Variants in ARHGAP6 observed in about 807,000 individuals in gnomAD.
ARHGAP6 encodes the protein Rho GTPase activating protein 6.
ARHGAP6 carries 16 observed loss-of-function variants against 55.7 expected under a neutral mutation model. The ratio of observed to expected loss-of-function variants is 0.29; its 90% CI spans 0.19 to 0.44. The LOEUF is 0.44. ARHGAP6 is among the 20% of genes least tolerant of loss of function. The pLI, the probability that ARHGAP6 is intolerant of heterozygous loss-of-function variation, is 1.00. For synonymous variants in ARHGAP6, 382 were observed against 360.9 expected (o/e 1.06, Z -0.66); for missense variants, 698 against 808.9 (o/e 0.86, Z 1.66).
intron 1 of ARHGAP6, among the ~76,000 whole-genome samples, chrX:11,522,422 C>G (rs1409327501): frequency 1.8e-5 from 2 of 111,100 alleles, no homozygotes; most frequent in Non-Finnish European, 3.8e-5. Flanking sequence ...ACAAAAAACC[C>G]TTCAAAAAAT....
At chrX:11,169,329 CTCAAAATGACATCATAGT>C (rs2046057243) in intron 9 of ARHGAP6, 158 bp downstream of exon 9, 2 of 338,472 alleles carry the variant, frequency 5.9e-6, no homozygotes, top group Non-Finnish European at 1.0e-5. Context: ...GAGTCACAAA[CTCAAAATGACATCATAGT>C]TGTGCAAATT....
At chrX:11,455,240 A>G (rs952067441) in intron 1 of ARHGAP6, among the ~76,000 whole-genome samples, 1 of 112,757 alleles carries the variant, frequency 8.9e-6, no homozygotes, top group Non-Finnish European at 1.9e-5. Context: ...ACTCTAAAGT[A>G]CTTTTGCAGA....
intron 2 of ARHGAP6, among the ~76,000 whole-genome samples, chrX:11,234,631 A>T (rs2047174524): frequency 8.9e-6 from 1 of 112,347 alleles, no homozygotes; most frequent in Non-Finnish European, 1.9e-5. Context: ...ATGTTGCAAA[A>T]ACTAAGCATA....
At chrX:11,396,119 G>T (rs1236940106) in intron 1 of ARHGAP6, among the ~76,000 whole-genome samples, 1 of 111,230 alleles carries the variant, frequency 9.0e-6, no homozygotes, top group East Asian at 2.8e-4. Context: ...AGTTTTAGTT[G>T]CTTCCAATAG....
intron 1 of ARHGAP6, among the ~76,000 whole-genome samples, chrX:11,477,161 TA>T (rs34155965): frequency 0.22 from 18,826 of 86,432 alleles, 1,400 homozygotes; most frequent in Middle Eastern, 0.35. Flanking sequence ...TCAAATATGA[TA>T]AAAAAAAAAA....
At chrX:11,584,116 A>C (rs1453348050) in intron 1 of ARHGAP6, among the ~76,000 whole-genome samples, 1 of 112,494 alleles carries the variant, frequency 8.9e-6, no homozygotes, top group East Asian at 2.8e-4. Flanking sequence ...ATATGAAAGC[A>C]ATAATGTCAC....
At chrX:11,245,686 T>C (rs1160021581) in intron 2 of ARHGAP6, among the ~76,000 whole-genome samples, 1 of 111,920 alleles carries the variant, frequency 8.9e-6, no homozygotes, top group Non-Finnish European at 1.9e-5. Flanking sequence ...GAGAATCAGA[T>C]AGAAGAGGAT....
chrX:11,470,775 G>A (rs747492044), intron 1 of ARHGAP6, among the ~76,000 whole-genome samples: 1 of 112,106 alleles, frequency 8.9e-6, no homozygotes, highest in East Asian at 2.8e-4. Flanking sequence ...TCACAGGCAT[G>A]AAACCAGGCA....
chrX:11,419,549 A>G (rs1197383792), intron 1 of ARHGAP6, among the ~76,000 whole-genome samples: 1 of 112,307 alleles, frequency 8.9e-6, no homozygotes, highest in African/African-American at 3.2e-5. Context: ...AGCAAACTCA[A>G]TGTTCCATAC....
intron 1 of ARHGAP6, among the ~76,000 whole-genome samples, chrX:11,523,837 G>A (rs1432671011): frequency 2.7e-5 from 3 of 111,362 alleles, no homozygotes; most frequent in African/African-American, 9.8e-5. Context: ...AACAACCACG[G>A]TACTCAAGGA....
At chrX:11,536,437 T>C (rs150300049) in intron 1 of ARHGAP6, among the ~76,000 whole-genome samples, 1 of 111,667 alleles carries the variant, frequency 9.0e-6, no homozygotes, top group Non-Finnish European at 1.9e-5. Context: ...TCTCCTAAAG[T>C]GGAAATGTGC....
At chrX:11,480,601 T>C (rs919126843) in intron 1 of ARHGAP6, among the ~76,000 whole-genome samples, 2 of 112,671 alleles carry the variant, frequency 1.8e-5, no homozygotes, top group African/African-American at 6.5e-5. Flanking sequence ...GCGTGAATTG[T>C]ATAAGTGAAT....
At chrX:11,557,671 A>C (rs1294114723) in intron 1 of ARHGAP6, among the ~76,000 whole-genome samples, 1 of 111,755 alleles carries the variant, frequency 8.9e-6, no homozygotes, top group African/African-American at 3.3e-5. Flanking sequence ...TCAGGAAAAA[A>C]CCCTGTAAGC....
chrX:11,550,451 T>C (rs1460390084), intron 1 of ARHGAP6, among the ~76,000 whole-genome samples: 1 of 112,271 alleles, frequency 8.9e-6, no homozygotes, highest in East Asian at 2.8e-4. Flanking sequence ...ATTGGAACTT[T>C]TAAAAATCCT....
chrX:11,401,606 G>A (rs1286401462), intron 1 of ARHGAP6, among the ~76,000 whole-genome samples: 2 of 110,690 alleles, frequency 1.8e-5, no homozygotes, highest in Admixed American at 1.9e-4. Flanking sequence ...GGGAGTAGGG[G>A]TGGGGGAGGG....
intron 4 of ARHGAP6, among the ~76,000 whole-genome samples, chrX:11,187,886 G>T (rs1266427641): frequency 9.0e-6 from 1 of 111,434 alleles, no homozygotes; most frequent in African/African-American, 3.3e-5. Context: ...AATAATAACA[G>T]CTAGGCGTGG....
chrX:11,462,711 A>T (rs1358131591), intron 1 of ARHGAP6, among the ~76,000 whole-genome samples: 1 of 112,323 alleles, frequency 8.9e-6, no homozygotes, highest in Non-Finnish European at 1.9e-5. Flanking sequence ...TAAAGGCTTT[A>T]CCTGCATGGG....
intron 1 of ARHGAP6, among the ~76,000 whole-genome samples, chrX:11,404,448 T>C (rs965240603): frequency 2.9e-4 from 33 of 112,197 alleles, no homozygotes; most frequent in Non-Finnish European, 5.6e-5. Context: ...CATTAAAACA[T>C]AAAAATAATC....
intron 1 of ARHGAP6, among the ~76,000 whole-genome samples, chrX:11,661,836 C>T (rs912768177): frequency 1.1e-4 from 12 of 111,694 alleles, no homozygotes; most frequent in African/African-American, 3.6e-4. Flanking sequence ...TCAGTTAGGG[C>T]GATTTTGATC....
Sources: allele counts gnomAD v4.1 joint callset (sites outside exome capture counted in the v4.1 genomes callset), GRCh38; gene constraint gnomAD v4.1.1; transcripts MANE v1.5; gene names NCBI Gene and HGNC (gene_info 2026-07-23, HGNC 2026-07-21).